ZNF385B: variants seen among roughly 807,000 people sequenced by gnomAD.
The protein encoded by ZNF385B is zinc finger protein 385B.
ZNF385B carries 23 observed loss-of-function variants against 39.2 expected under a neutral mutation model. That is an observed-to-expected ratio of 0.59 (90% CI 0.42 to 0.83). The LOEUF (loss-of-function observed/expected upper bound fraction) is 0.83. Among genes scored for constraint, ZNF385B ranks in the 40% least tolerant of loss-of-function variants. ZNF385B has a pLI of 0.00. For synonymous variants in ZNF385B, 205 were observed against 222.6 expected (o/e 0.92, Z 0.70); for missense variants, 552 against 598.9 (o/e 0.92, Z 0.82).
chr2:179,580,231 T>C (rs1686330984), intron 3 of ZNF385B, among the ~76,000 whole-genome samples: 1 of 152,154 alleles, frequency 6.6e-6, no homozygotes, highest in African/African-American at 2.4e-5. Flanking sequence ...CATTTTAATT[T>C]CTTAACATCT....
At position 179,837,402 on chromosome 2, in the gene ZNF385B, C is replaced by T. The variant is rs188536736; in HGVS notation, c.-155+23699G>A. 1.3e-4 allele frequency among the ~76,000 whole-genome samples: 20 copies of T among 152,260 alleles called. 1 individual carries two copies. In the East Asian group the frequency reaches 3.3e-3, roughly 25 times the overall value. ...TGTGTTCTCATTTCAGATTGAAATT[C>T]ACTCCTGACATAGAAAGTATTATTG... is the stretch of plus-strand genomic sequence containing the variant. On this transcript the variant is annotated intron_variant, in intron 1 of 9. Transcript: ENST00000410066.
chr2:179,553,820 G>GA lies in ZNF385B; in HGVS notation c.299-8852dup, dbSNP rs888769609. Among the ~76,000 whole-genome samples the GA allele has an allele frequency of 1.7e-4, 26 of 149,068 alleles. 2 individuals carry two copies. Among genetic ancestry groups the GA allele is most frequent in the Non-Finnish European group, 3.4e-4 (23 of 67,518 alleles). ...AACAGGCACTGTGGACATCTAGGCA[G>GA]AAAAAATTTCTTCCCTCAATTTTTT... On this transcript the variant is annotated intron_variant, in intron 3 of 9. Transcript: ENST00000410066.
chr2:179,575,557 C>G (rs1277959078), intron 3 of ZNF385B, among the ~76,000 whole-genome samples: 1 of 152,040 alleles, frequency 6.6e-6, no homozygotes, highest in Admixed American at 6.6e-5. Flanking sequence ...CCTTGGAAAG[C>G]TTTTCTTCCT....
At chr2:179,445,313 C>A (rs2049360504) in intron 8 of ZNF385B, among the ~76,000 whole-genome samples, 1 of 152,178 alleles carries the variant, frequency 6.6e-6, no homozygotes, top group African/African-American at 2.4e-5. Flanking sequence ...CCAGTGACTA[C>A]TGTTCCTATC....
chr2:179,546,521 T>C (rs2060244526), intron 3 of ZNF385B, among the ~76,000 whole-genome samples: 1 of 152,216 alleles, frequency 6.6e-6, no homozygotes, highest in Non-Finnish European at 1.5e-5. Flanking sequence ...TAACGTCCTC[T>C]AGTTTCATCC....
chr2:179,713,465 T>G (rs1700133469), intron 3 of ZNF385B, among the ~76,000 whole-genome samples: 1 of 152,204 alleles, frequency 6.6e-6, no homozygotes, highest in Non-Finnish European at 1.5e-5. Flanking sequence ...TCTCAGCTAA[T>G]TTCCTCTCTG....
Position 179,581,959 on chromosome 2 carries a change from T to C in ZNF385B, c.299-36990A>G, listed in dbSNP as rs1663512198. 2.0e-5 allele frequency among the ~76,000 whole-genome samples: 3 copies of C among 152,320 alleles called. No homozygotes were observed. In the South Asian group the frequency reaches 6.2e-4, roughly 32 times the overall value. Reference sequence around the variant, plus strand: ...GAGACAGAAACAAGCCTCTGTCTTATGAAAACCACTTTATTATTGTGCTCT... The same window carrying C: ...GAGACAGAAACAAGCCTCTGTCTTACGAAAACCACTTTATTATTGTGCTCT... On this transcript the variant is annotated intron_variant, in intron 3 of 9. Coordinates refer to ENST00000410066, the MANE Select transcript of ZNF385B (RefSeq NM_152520.6).
chr2:179,707,719 G>A (rs770540388), intron 3 of ZNF385B, among the ~76,000 whole-genome samples: 28 of 152,220 alleles, frequency 1.8e-4, no homozygotes, highest in Non-Finnish European at 3.1e-4. Context: ...CAGGGTATGC[G>A]CTGCCAGCAA....
chr2:179,791,849 G>A (rs1484173006), intron 1 of ZNF385B, among the ~76,000 whole-genome samples: 3 of 151,980 alleles, frequency 2.0e-5, no homozygotes, highest in Admixed American at 6.6e-5. Flanking sequence ...CTCCACCTTC[G>A]AGGTTCAAAT....
chr2:179,513,371 T>C (rs997320798), intron 5 of ZNF385B, among the ~76,000 whole-genome samples: 3 of 152,348 alleles, frequency 2.0e-5, no homozygotes, highest in African/African-American at 4.8e-5. Context: ...AGTCTAAGAA[T>C]GACTCAGAAG....
At chr2:179,509,422 A>G (rs2057497432) in intron 5 of ZNF385B, among the ~76,000 whole-genome samples, 1 of 152,184 alleles carries the variant, frequency 6.6e-6, no homozygotes, top group African/African-American at 2.4e-5. Flanking sequence ...GAGCTTGTTA[A>G]ACAGCCGCTA....
At chr2:179,623,494 G>A (rs1231185396) in intron 3 of ZNF385B, among the ~76,000 whole-genome samples, 3 of 152,058 alleles carry the variant, frequency 2.0e-5, no homozygotes, top group Non-Finnish European at 2.9e-5. Flanking sequence ...CCTCCACCCC[G>A]TGAATCCTGA....
intron 3 of ZNF385B, among the ~76,000 whole-genome samples, chr2:179,582,705 T>G (rs1484085196): frequency 1.3e-5 from 2 of 152,204 alleles, no homozygotes; most frequent in Admixed American, 6.5e-5. Context: ...AAAAATAAAC[T>G]TTGTAATTTG....
intron 3 of ZNF385B, among the ~76,000 whole-genome samples, chr2:179,677,487 G>T (rs1420377191): frequency 6.6e-6 from 1 of 152,180 alleles, no homozygotes; most frequent in African/African-American, 2.4e-5. Context: ...CTTCTGAAAC[G>T]AATGAAGTTG....
At chr2:179,804,619 T>G (rs771287048) in intron 1 of ZNF385B, among the ~76,000 whole-genome samples, 1 of 152,164 alleles carries the variant, frequency 6.6e-6, no homozygotes, top group Non-Finnish European at 1.5e-5. Context: ...GTCAAGAAAA[T>G]TGAGATAATA....
intron 1 of ZNF385B, among the ~76,000 whole-genome samples, chr2:179,815,846 C>CTTATTA (rs1396534726): frequency 6.6e-6 from 1 of 152,160 alleles, no homozygotes; most frequent in Non-Finnish European, 1.5e-5. Context: ...ATTAACCCTT[C>CTTATTA]TTAGATGCCT....
At chr2:179,694,223 C>G (rs1307692324) in intron 3 of ZNF385B, among the ~76,000 whole-genome samples, 1 of 152,052 alleles carries the variant, frequency 6.6e-6, no homozygotes, top group Non-Finnish European at 1.5e-5. Context: ...TTTATCAGGT[C>G]TAAACTTCAA....
intron 3 of ZNF385B, among the ~76,000 whole-genome samples, chr2:179,766,553 G>A (rs781651758): frequency 6.6e-6 from 1 of 152,026 alleles, no homozygotes; most frequent in Non-Finnish European, 1.5e-5. Context: ...TCTCTCCTTG[G>A]CTTGTAGATG....
chr2:179,571,103 A>G (rs1685160699), intron 3 of ZNF385B, among the ~76,000 whole-genome samples: 2 of 152,196 alleles, frequency 1.3e-5, no homozygotes, highest in Non-Finnish European at 2.9e-5. Context: ...GCTAACTTTC[A>G]TTAACAATTT....
Sources: gnomAD v4.1 joint callset for allele counts (sites outside exome capture counted in the v4.1 genomes callset) on GRCh38, gnomAD v4.1.1 for gene constraint, MANE v1.5 for transcripts, NCBI Gene and HGNC (gene_info 2026-07-23, HGNC 2026-07-21) for gene names.